DENND1A: variants seen among roughly 807,000 people sequenced by gnomAD.
The protein encoded by DENND1A is DENN domain-containing protein 1A.
In DENND1A, 51 loss-of-function variants were observed where a neutral mutation model predicts 113.7. That is an observed-to-expected ratio of 0.45 (90% CI 0.36 to 0.57). DENND1A has a LOEUF of 0.57. Among genes scored for constraint, DENND1A ranks in the 20% least tolerant of loss-of-function variants. The probability of loss-of-function intolerance (pLI) is 0.00; values close to 1 mark genes in which losing one functional copy is unlikely to be tolerated. For missense variants in DENND1A, 1,258 were observed against 1,395.9 expected (o/e 0.90, Z 1.57); for synonymous variants, 565 against 570.8 (o/e 0.99, Z 0.14).
intron 13 of DENND1A, among the ~76,000 whole-genome samples, chr9:123,520,377 G>A (rs1234745434): frequency 6.6e-6 from 1 of 152,068 alleles, no homozygotes; most frequent in Non-Finnish European, 1.5e-5. Flanking sequence ...GAGAACTGCT[G>A]GAACCTGCGA....
chr9:123,507,862 T>C (rs1220662481), intron 13 of DENND1A, among the ~76,000 whole-genome samples: 1 of 141,214 alleles, frequency 7.1e-6, no homozygotes, highest in Non-Finnish European at 1.6e-5. Flanking sequence ...ATAAATATTT[T>C]TTGTCTTAAA....
chr9:123,676,540 G>T (rs1406841016), intron 6 of DENND1A, among the ~76,000 whole-genome samples, 180 bp downstream of exon 6: 1 of 152,148 alleles, frequency 6.6e-6, no homozygotes, highest in Non-Finnish European at 1.5e-5. Flanking sequence ...TTATTTTAGG[G>T]AAGGGAGTGG....
chr9:123,823,576 C>T (rs967452843), intron 2 of DENND1A, among the ~76,000 whole-genome samples: 4 of 152,070 alleles, frequency 2.6e-5, no homozygotes, highest in African/African-American at 7.2e-5. Flanking sequence ...AAGCTTTAAG[C>T]AAAAAGGAGT....
chr9:123,784,311 A>C (rs78648776), intron 3 of DENND1A, among the ~76,000 whole-genome samples: 1,634 of 152,292 alleles, frequency 0.011, 33 homozygotes, highest in African/African-American at 0.036. Context: ...GGTTTTAGAA[A>C]GTCATCTCCG....
intron 11 of DENND1A, among the ~76,000 whole-genome samples, chr9:123,608,276 T>C (rs1023929278): frequency 1.3e-5 from 2 of 152,178 alleles, no homozygotes; most frequent in African/African-American, 4.8e-5. Flanking sequence ...ATAACCAACT[T>C]CTTTCATTTT....
chr9:123,888,643 A>G (rs1309681498), intron 1 of DENND1A, among the ~76,000 whole-genome samples: 1 of 152,240 alleles, frequency 6.6e-6, no homozygotes, highest in Non-Finnish European at 1.5e-5. Flanking sequence ...TCTAGAAAAT[A>G]TCTGGCCTTA....
intron 21 of DENND1A, among the ~76,000 whole-genome samples, chr9:123,389,894 C>T (rs572541020): frequency 8.5e-5 from 13 of 152,288 alleles, no homozygotes; most frequent in Admixed American, 2.6e-4. Flanking sequence ...TGCCGAGCTC[C>T]GAGCAGGGCA....
At position 123,538,809 on chromosome 9, in the gene DENND1A, C is replaced by CAT. The variant is rs35223887; in HGVS notation, c.993+18759_993+18760dup. On this transcript the variant is annotated intron_variant, in intron 13 of 23. Coordinates refer to ENST00000394215, the MANE Select transcript of DENND1A (RefSeq NM_001352964.2). ...ATGAATCCAAAGGTGACAACTCATACATATATATATATATATATATATATA... is the reference window on the plus strand; with the variant it reads ...ATGAATCCAAAGGTGACAACTCATACATATATATATATATATATATATATATA... 5.4e-3 allele frequency among the ~76,000 whole-genome samples: 121 copies of CAT among 22,392 alleles called. 1 individual carries two copies. Among genetic ancestry groups the CAT allele is most frequent in the South Asian group, 0.012 (6 of 518 alleles). 14.7% of individuals were successfully genotyped at this position (22,392 alleles called of 152,430 possible).
intron 3 of DENND1A, among the ~76,000 whole-genome samples, chr9:123,787,563 T>C (rs1172172187): frequency 6.6e-6 from 1 of 152,172 alleles, no homozygotes; most frequent in Non-Finnish European, 1.5e-5. Flanking sequence ...TTAAGAAATG[T>C]TTTGCATGGA....
intron 12 of DENND1A, among the ~76,000 whole-genome samples, chr9:123,567,703 T>G (rs940989578): frequency 1.3e-5 from 2 of 152,200 alleles, no homozygotes; most frequent in African/African-American, 4.8e-5. Flanking sequence ...TCACAATGAC[T>G]CTGGCAAATT....
At chr9:123,734,633 C>T (rs1564162998) in intron 5 of DENND1A, among the ~76,000 whole-genome samples, 1 of 152,132 alleles carries the variant, frequency 6.6e-6, no homozygotes, top group African/African-American at 2.4e-5. Flanking sequence ...ACAATATCAG[C>T]TAATAATGAT....
intron 1 of DENND1A, 23 bp from the exon 2 acceptor site, chr9:123,879,044 T>C (rs1292750279): frequency 3.1e-6 from 5 of 1,612,436 alleles, no homozygotes; most frequent in Non-Finnish European, 3.4e-6. Context: ...CAGATCATGA[T>C]TACTGACAAA....
intron 2 of DENND1A, among the ~76,000 whole-genome samples, chr9:123,802,734 C>T (rs927821370): frequency 5.9e-5 from 9 of 151,268 alleles, no homozygotes; most frequent in Admixed American, 2.0e-4. Flanking sequence ...CAGAGTTTCA[C>T]GCTTGTTGCC....
intron 2 of DENND1A, among the ~76,000 whole-genome samples, chr9:123,838,830 C>T (rs764255191): frequency 6.6e-6 from 1 of 152,190 alleles, no homozygotes; most frequent in Non-Finnish European, 1.5e-5. Context: ...AGTGGCAGTG[C>T]CCAAACCCTC....
intron 5 of DENND1A, among the ~76,000 whole-genome samples, chr9:123,679,558 A>C (rs2064307809): frequency 6.6e-6 from 1 of 152,168 alleles, no homozygotes. Context: ...TCCCCTGTAC[A>C]CTCACAGATG....
chr9:123,559,315 A>C (rs1196975315), intron 12 of DENND1A, among the ~76,000 whole-genome samples: 1 of 152,216 alleles, frequency 6.6e-6, no homozygotes, highest in African/African-American at 2.4e-5. Flanking sequence ...TTAAGCATGC[A>C]GGTAACATAT....
At chr9:123,884,169 T>C (rs1848694505) in intron 1 of DENND1A, among the ~76,000 whole-genome samples, 1 of 152,204 alleles carries the variant, frequency 6.6e-6, no homozygotes, top group Non-Finnish European at 1.5e-5. Flanking sequence ...CTGTAAACAA[T>C]TAAGACTATA....
chr9:123,707,248 G>C (rs1052962732), intron 5 of DENND1A, among the ~76,000 whole-genome samples: 1 of 152,112 alleles, frequency 6.6e-6, no homozygotes, highest in Non-Finnish European at 1.5e-5. Flanking sequence ...TACAAAATTA[G>C]CCAGGCATGG....
Position 123,766,198 on chromosome 9 carries a change from C to T in DENND1A, c.182+3316G>A, listed in dbSNP as rs1654537661. ...GTGTTAGGCTCTCCCTCCCACTTGC[C>T]CACTTCTTGCTGTCCTGGCAGACTC... On this transcript the variant is annotated intron_variant, in intron 4 of 23. Coordinates refer to ENST00000394215, the MANE Select transcript of DENND1A (RefSeq NM_001352964.2). Among the ~76,000 whole-genome samples, 13 of 152,278 alleles carry T rather than the reference C, an allele frequency of 8.5e-5. No individual in the cohort carries two copies. In the South Asian group the frequency reaches 2.7e-3, roughly 32 times the overall value.
Sources: allele counts gnomAD v4.1 joint callset (sites outside exome capture counted in the v4.1 genomes callset), GRCh38; gene constraint gnomAD v4.1.1; transcripts MANE v1.5; gene names NCBI Gene and HGNC (gene_info 2026-07-23, HGNC 2026-07-21).